CA10: variants seen among roughly 807,000 people sequenced by gnomAD.
The protein encoded by CA10 is carbonic anhydrase 10 (inactive), also known as carbonic anhydrase-related protein 10.
In CA10, 14 loss-of-function variants were observed where a neutral mutation model predicts 44.2. The observed-to-expected ratio is 0.32, with a 90% CI of 0.21 to 0.50. The LOEUF (loss-of-function observed/expected upper bound fraction) is 0.50, where lower values mean the gene tolerates loss of function less well. CA10 is among the 20% of genes least tolerant of loss of function. The pLI is 0.99. For missense variants in CA10, 350 were observed against 409.7 expected, an observed-to-expected ratio of 0.85 and a Z score of 1.26; for synonymous variants, 159 against 141.6, an observed-to-expected ratio of 1.12 and a Z score of -0.87.
At chr17:51,791,988 A>C (rs1906536601) in intron 3 of CA10, among the ~76,000 whole-genome samples, 1 of 152,214 alleles carries the variant, frequency 6.6e-6, no homozygotes, top group Non-Finnish European at 1.5e-5. Flanking sequence ...ACACTTATAT[A>C]ATCTTTGCAC....
Position 51,833,416 on chromosome 17 carries a change from C to T in CA10, c.280-85598G>A, listed in dbSNP as rs574710023. Among the ~76,000 whole-genome samples, 4 of 152,318 alleles carry T rather than the reference C, an allele frequency of 2.6e-5. No individual in the cohort carries two copies. The East Asian group carries it at 5.8e-4, about 22-fold the overall frequency. On this transcript the variant is annotated intron_variant, in intron 3 of 8. Coordinates refer to ENST00000451037, the MANE Select transcript of CA10 (RefSeq NM_020178.5). The stretch of plus-strand genomic sequence containing the variant: ...CCTCAGGATTATTCCTCTTGTTCTC[C>T]CAACTTCTAGCCAGCTGATTAAAAT...
chr17:52,028,931 A>G (rs1440930402), intron 2 of CA10, among the ~76,000 whole-genome samples: 1 of 152,146 alleles, frequency 6.6e-6, no homozygotes, highest in Non-Finnish European at 1.5e-5. Context: ...ACTCTTCCCA[A>G]CTTGTGGCCT....
chr17:52,000,166 A>T (rs780998641), intron 2 of CA10, among the ~76,000 whole-genome samples: 2 of 152,064 alleles, frequency 1.3e-5, no homozygotes, highest in Non-Finnish European at 2.9e-5. Flanking sequence ...CACTATTGGG[A>T]ATTATATCTT....
intron 4 of CA10, among the ~76,000 whole-genome samples, chr17:51,747,329 A>G (rs1449397585): frequency 6.6e-6 from 1 of 152,230 alleles, no homozygotes; most frequent in Admixed American, 6.5e-5. Flanking sequence ...TATATATATA[A>G]GGTGAGGATT....
Position 52,076,190 on chromosome 17 carries a change from G to A in CA10, c.62-3797C>T, listed in dbSNP as rs76079179. On this transcript the variant is annotated intron_variant, in intron 1 of 8. Transcript: ENST00000451037. ...CCCCTCTAAGGACAACCTATCAGTCGAACTGAAATATCAATTTAAGAAACA... is the reference window on the plus strand; with the variant it reads ...CCCCTCTAAGGACAACCTATCAGTCAAACTGAAATATCAATTTAAGAAACA... Among the ~76,000 whole-genome samples the A allele has an allele frequency of 2.9e-3, 446 of 152,156 alleles. 1 individual carries two copies. Among genetic ancestry groups the A allele is most frequent in the Non-Finnish European group, 4.6e-3 (314 of 67,996 alleles).
At chr17:52,066,251 G>A (rs896495218) in intron 2 of CA10, among the ~76,000 whole-genome samples, 3 of 152,124 alleles carry the variant, frequency 2.0e-5, no homozygotes, top group African/African-American at 7.2e-5. Flanking sequence ...TGGTTTGGAG[G>A]GCTTAGAAGA....
At chr17:52,045,821 G>C (rs552623210) in intron 2 of CA10, among the ~76,000 whole-genome samples, 1 of 151,916 alleles carries the variant, frequency 6.6e-6, no homozygotes, top group Non-Finnish European at 1.5e-5. Context: ...TCAAGTGCAC[G>C]TGGCATGTTT....
At chr17:51,781,433 T>C (rs1190267865) in intron 3 of CA10, among the ~76,000 whole-genome samples, 1 of 152,218 alleles carries the variant, frequency 6.6e-6, no homozygotes, top group Non-Finnish European at 1.5e-5. Context: ...TTTTGTTTTT[T>C]CCAGCAGGTT....
rs537422184 is a variant in CA10 at position 51,971,261 on chromosome 17, T to A, written c.137-40129A>T. Among the ~76,000 whole-genome samples the A allele has an allele frequency of 1.2e-3, 182 of 152,212 alleles. 5 individuals carry two copies. The South Asian group carries it at 0.022, about 18-fold the overall frequency. ...GCACCTCCGAGCTTACAGTTTCTTA[T>A]CTGTAAAGGGCAACATTATGCTTAC... On this transcript the variant is annotated intron_variant, in intron 2 of 8. Transcript: ENST00000451037.
intron 1 of CA10, among the ~76,000 whole-genome samples, chr17:52,076,006 G>T (rs1230980941): frequency 6.6e-6 from 1 of 151,930 alleles, no homozygotes; most frequent in African/African-American, 2.4e-5. Flanking sequence ...AAAGCAGTAA[G>T]GAAAAAAGAG....
intron 3 of CA10, among the ~76,000 whole-genome samples, chr17:51,845,687 T>C (rs1017708259): frequency 1.3e-5 from 2 of 152,176 alleles, no homozygotes; most frequent in East Asian, 3.8e-4. Context: ...CTGATAACTT[T>C]TTATAACTTT....
At chr17:52,085,440 C>T (rs1479489574) in intron 1 of CA10, among the ~76,000 whole-genome samples, 1 of 152,160 alleles carries the variant, frequency 6.6e-6, no homozygotes, top group African/African-American at 2.4e-5. Context: ...CTATGAAGCT[C>T]ATTTACCAGC....
chr17:52,111,874 T>A (rs1453179529), intron 1 of CA10, among the ~76,000 whole-genome samples: 1 of 152,110 alleles, frequency 6.6e-6, no homozygotes, highest in Non-Finnish European at 1.5e-5. Flanking sequence ...CCTAAACAGG[T>A]TGAGGAACCT....
At chr17:51,721,724 C>T (rs981950920) in intron 4 of CA10, among the ~76,000 whole-genome samples, 2 of 152,002 alleles carry the variant, frequency 1.3e-5, no homozygotes, top group African/African-American at 2.4e-5. Context: ...AAAAAGTCTT[C>T]GCGAGATTTG....
chr17:51,792,123 A>T (rs1362425512), intron 3 of CA10, among the ~76,000 whole-genome samples: 1 of 152,228 alleles, frequency 6.6e-6, no homozygotes, highest in Non-Finnish European at 1.5e-5. Context: ...CTTTATAGCT[A>T]TCACAGGTAA....
At chr17:51,981,234 A>G (rs1329678226) in intron 2 of CA10, among the ~76,000 whole-genome samples, 1 of 152,082 alleles carries the variant, frequency 6.6e-6, no homozygotes, top group East Asian at 1.9e-4. Context: ...TATTCATAGT[A>G]TCTTTATTGA....
intron 3 of CA10, among the ~76,000 whole-genome samples, chr17:51,930,176 T>G (rs920754783): frequency 2.6e-5 from 4 of 152,060 alleles, no homozygotes; most frequent in African/African-American, 9.7e-5. Flanking sequence ...TATCAAAAGT[T>G]GTCAATAATT....
At chr17:51,756,886 C>T (rs1905095487) in intron 3 of CA10, among the ~76,000 whole-genome samples, 1 of 152,138 alleles carries the variant, frequency 6.6e-6, no homozygotes, top group Non-Finnish European at 1.5e-5. Context: ...CAGACCTGGT[C>T]TAGACCCAGG....
chr17:51,856,531 C>A (rs9890222), intron 3 of CA10, among the ~76,000 whole-genome samples: 1 of 151,934 alleles, frequency 6.6e-6, no homozygotes, highest in Admixed American at 6.6e-5. Flanking sequence ...GATAAACAAG[C>A]AGAAAATACA....
Sources: allele counts gnomAD v4.1 joint callset (sites outside exome capture counted in the v4.1 genomes callset), GRCh38; gene constraint gnomAD v4.1.1; transcripts MANE v1.5; gene names NCBI Gene and HGNC (gene_info 2026-07-23, HGNC 2026-07-21).